The following CNGB1 variants were observed in gnomAD, a reference collection of about 807,000 sequenced individuals.
The protein encoded by CNGB1 is cyclic nucleotide gated channel subunit beta 1.
In CNGB1, 126 loss-of-function variants were observed where a neutral mutation model predicts 151.7. The observed-to-expected ratio is 0.83, with a 90% CI of 0.72 to 0.96. The LOEUF is 0.96. CNGB1 is among the 40% of genes least tolerant of loss of function. The pLI is 0.00. For missense variants in CNGB1, 1,698 were observed against 1,627.0 expected (o/e 1.04, Z -0.75); for synonymous variants, 623 against 635.1 (o/e 0.98, Z 0.29).
chr16:57,949,799 G>A (rs1961904134), intron 13 of CNGB1, among the ~76,000 whole-genome samples: 1 of 152,218 alleles, frequency 6.6e-6, no homozygotes, highest in African/African-American at 2.4e-5. Flanking sequence ...CGACATCCCT[G>A]TGGAAGGCGA....
intron 17 of CNGB1, among the ~76,000 whole-genome samples, chr16:57,929,205 AAAG>A (rs1209811028): frequency 6.6e-6 from 1 of 152,262 alleles, no homozygotes; most frequent in African/African-American, 2.4e-5. Flanking sequence ...ACATTTCTCC[AAAG>A]AAGACATACA....
At chr16:57,970,909 CT>C (rs1216078598) in intron 1 of CNGB1, among the ~76,000 whole-genome samples, 150 bp downstream of exon 1, 1 of 152,090 alleles carries the variant, frequency 6.6e-6, no homozygotes, top group Non-Finnish European at 1.5e-5. Flanking sequence ...CCTGAAAATT[CT>C]GATGCCCGCT....
At chr16:57,930,432 TGCAGTGGACCAATATCA>T (rs1961313418) in intron 17 of CNGB1, among the ~76,000 whole-genome samples, 2 of 150,882 alleles carry the variant, frequency 1.3e-5, no homozygotes, top group African/African-American at 4.9e-5. Flanking sequence ...AGGTTGAGGC[TGCAGTGGACCAATATCA>T]CACCACTGCA....
At position 57,897,378 on chromosome 16, in the gene CNGB1, C is replaced by G; in HGVS notation, c.3242+19G>C. ...TTGTCCTTAGCAATTTTTTATTAAA[C>G]GAAAGAAAAGTTACATACCTGGCTT... is the stretch of plus-strand genomic sequence containing the variant. On this transcript the variant is annotated intron_variant, in intron 31 of 32. Coordinates refer to ENST00000251102, the MANE Select transcript of CNGB1 (RefSeq NM_001297.5). 1 of 1,612,524 alleles carries G rather than the reference C, an allele frequency of 6.2e-7. No homozygotes were observed. Among genetic ancestry groups the G allele is most frequent in the South Asian group, 1.1e-5 (1 of 91,014 alleles).
chr16:57,888,844 A>G (rs1960010315), intron 31 of CNGB1, among the ~76,000 whole-genome samples: 1 of 152,126 alleles, frequency 6.6e-6, no homozygotes, highest in South Asian at 2.1e-4. Flanking sequence ...GTGGAAAAGG[A>G]ACCAAAGCTC....
chr16:57,912,891 TG>T (rs1163870650), intron 24 of CNGB1, 38 bp downstream of exon 24: 1 of 1,592,388 alleles, frequency 6.3e-7, no homozygotes, highest in Non-Finnish European at 8.6e-7. Flanking sequence ...GTGAGTGTCA[TG>T]TGTGTGTGCA....
At chr16:57,915,627 G>A (rs925006005) in intron 22 of CNGB1, among the ~76,000 whole-genome samples, 2 of 152,270 alleles carry the variant, frequency 1.3e-5, no homozygotes, top group East Asian at 1.9e-4. Context: ...GGCCAGGCAC[G>A]GTGGCTTATG....
chr16:57,935,466 G>C (rs547821658), intron 16 of CNGB1, among the ~76,000 whole-genome samples: 1 of 152,174 alleles, frequency 6.6e-6, no homozygotes, highest in African/African-American at 2.4e-5. Context: ...AATCACCTGA[G>C]GTCAGGAGTT....
At position 57,884,325 on chromosome 16, in the gene CNGB1, A is replaced by G; in HGVS notation, c.3595T>C (p.Ser1199Pro). Residue 1199 changes from serine (S) to proline (P), a missense_variant, in exon 33 of 33, where the codon TCT (serine) becomes CCT (proline). By Grantham distance (74) the Ser-to-Pro change is moderately conservative. Coordinates refer to ENST00000251102, the MANE Select transcript of CNGB1 (RefSeq NM_001297.5). Reference protein sequence around the residue: ...PPEPPGSPPSSPPPASLGRPE... With the variant: ...PPEPPGSPPSPPPPASLGRPE... ...CTCCCAAGGGAGGCAGGCGGTGGAG[A>G]GCTCGGTGGAGACCCCGGGGGCTCG... 6.2e-7 allele frequency: 1 copy of G among 1,609,524 alleles called. No homozygotes were observed. The highest frequency in any genetic ancestry group is 8.5e-7 in the Non-Finnish European group (1 of 1,178,762).
Position 57,952,130 on chromosome 16 carries a change from G to C in CNGB1, c.875-1590C>G, listed in dbSNP as rs562890748. Among the ~76,000 whole-genome samples, 6 of 152,346 alleles carry C rather than the reference G, an allele frequency of 3.9e-5. No homozygotes were observed. The South Asian group carries it at 1.2e-3, about 32-fold the overall frequency. On this transcript the variant is annotated intron_variant, in intron 12 of 32. Coordinates refer to ENST00000251102, the MANE Select transcript of CNGB1 (RefSeq NM_001297.5). ...CCAGTTCCTGCCTGGGCATAGCAGG[G>C]GACATCCAGGGAACAGAACATCTTG...
rs1241444093 is a variant in CNGB1 at position 57,949,426 on chromosome 16, T to C, written c.1048A>G (p.Ile350Val). Residue 350 changes from isoleucine to valine, a missense_variant, in exon 14 of 33, where the codon ATT becomes GTT. Physicochemically the swap from Ile to Val is conservative, Grantham distance 29. Transcript: ENST00000251102. Reference sequence around the variant, plus strand: ...TCCTCATCTTCTTTCTCCTCTTCAATCCGGGACAGCTCTCTGAGTTGGGGT... The same window carrying C: ...TCCTCATCTTCTTTCTCCTCTTCAACCCGGGACAGCTCTCTGAGTTGGGGT... ...VEKMPRELSR[I>V]EEEKEDEEEE... The C allele has an allele frequency of 6.2e-7, 1 of 1,613,660 alleles. No homozygotes were observed. Among genetic ancestry groups the C allele is most frequent in the Non-Finnish European group, 8.5e-7 (1 of 1,179,998 alleles).
chr16:57,885,148 C>T (rs565692631), intron 32 of CNGB1, among the ~76,000 whole-genome samples: 2 of 152,298 alleles, frequency 1.3e-5, no homozygotes, highest in South Asian at 2.1e-4. Context: ...TGTGGCCCCT[C>T]CCACTCTGCC....
At chr16:57,917,625 TATACAC>T (rs1402110153) in intron 20 of CNGB1, 149 bp from the exon 21 acceptor site, 9 of 641,060 alleles carry the variant, frequency 1.4e-5, no homozygotes, top group Non-Finnish European at 2.5e-5. Flanking sequence ...TGTGTGTATA[TATACAC>T]ACACACACAC....
At chr16:57,960,656 C>T in intron 8 of CNGB1, 126 bp from the exon 9 acceptor site, 1 of 1,335,246 alleles carries the variant, frequency 7.5e-7, no homozygotes, top group African/African-American at 1.4e-5. Context: ...GGGTGTCTCT[C>T]CTTCTGAATC....
At chr16:57,903,532 CT>C (rs2149358289) in intron 27 of CNGB1, among the ~76,000 whole-genome samples, 1 of 152,248 alleles carries the variant, frequency 6.6e-6, no homozygotes, top group African/African-American at 2.4e-5. Flanking sequence ...ACAAACTACA[CT>C]TCGCTCTTGG....
At position 57,950,482 on chromosome 16, in the gene CNGB1, C is replaced by T. The variant is rs557276296; in HGVS notation, c.933G>A (p.Pro311=). 227 of 1,614,224 alleles carry T rather than the reference C, an allele frequency of 1.4e-4. 1 individual carries two copies. The South Asian group carries it at 1.5e-3, about 11-fold the overall frequency. The part of the protein sequence containing the change: ...EPDLVLEEVE[P]PWEDAHQDVS... Reference sequence around the variant, plus strand: ...CATCCTGGTGGGCATCCTCCCAGGGCGGTTCAACCTCCTCTAGGACAAGGT... The same window carrying T: ...CATCCTGGTGGGCATCCTCCCAGGGTGGTTCAACCTCCTCTAGGACAAGGT... Residue 311 remains proline, a synonymous_variant, in exon 13 of 33, where the codon CCG becomes CCA. Coordinates refer to ENST00000251102, the MANE Select transcript of CNGB1 (RefSeq NM_001297.5).
At chr16:57,950,132 C>T (rs145961765) in intron 13 of CNGB1, among the ~76,000 whole-genome samples, 1 of 152,266 alleles carries the variant, frequency 6.6e-6, no homozygotes, top group East Asian at 1.9e-4. Flanking sequence ...GGTACATGTG[C>T]TATGCCATCT....
At position 57,940,275 on chromosome 16, in the gene CNGB1, T is replaced by C; in HGVS notation, c.1168A>G (p.Ser390Gly). The change falls in exon 15 of 33, where the codon AGT becomes GGT. Residue 390 changes from serine to glycine, a missense_variant. By Grantham distance (56) the Ser-to-Gly change is moderately conservative. Transcript: ENST00000251102. ...CVVSQVGVGQSEEDGTRPQST... is the reference protein window; with the variant it reads ...CVVSQVGVGQGEEDGTRPQST... ...TGGGGCCGGGTCCCGTCTTCTTCAC[T>C]CTGGCCCACGCCCACCTGCGACACC... 3 of 1,581,974 alleles carry C rather than the reference T, an allele frequency of 1.9e-6. No homozygotes were observed. The highest frequency in any genetic ancestry group is 1.3e-5 in the African/African-American group (1 of 74,702).
intron 7 of CNGB1, 67 bp from the exon 8 acceptor site, chr16:57,960,982 C>G (rs1278107996): frequency 1.4e-6 from 2 of 1,456,352 alleles, no homozygotes; most frequent in Non-Finnish European, 1.9e-6. Context: ...CAGCCCACCT[C>G]GGGGCCAGGC....
Sources: allele counts gnomAD v4.1 joint callset (sites outside exome capture counted in the v4.1 genomes callset), GRCh38; gene constraint gnomAD v4.1.1; transcripts MANE v1.5; gene names NCBI Gene and HGNC (gene_info 2026-07-23, HGNC 2026-07-21).